Variants in CEP43 observed in about 807,000 individuals in gnomAD.
The protein encoded by CEP43 is FGFR1 oncogene partner.
A neutral mutation model predicts 52.6 loss-of-function variants in CEP43; 36 were observed. That is an observed-to-expected ratio of 0.68 (90% CI 0.52 to 0.90). The LOEUF (loss-of-function observed/expected upper bound fraction) is 0.90, where lower values mean the gene tolerates loss of function less well. Ranked by LOEUF, CEP43 falls within the 40% of genes least tolerant of loss-of-function variation. CEP43 has a pLI of 0.00. For missense variants in CEP43, 506 were observed against 472.8 expected, an observed-to-expected ratio of 1.07 and a Z score of -0.65; for synonymous variants, 192 against 172.4, an observed-to-expected ratio of 1.11 and a Z score of -0.89.
At position 167,052,247 on chromosome 6, in the gene CEP43, T is replaced by TA. The variant is rs1018689451; in HGVS notation, c.*12270dup. ...GTTTTTGTGCTATTATTGTTATACT[T>TA]ACTACCTCTGTATATGTTACAAGCC... On this transcript the variant is annotated 3_prime_UTR_variant, in exon 13 of 13. Coordinates refer to ENST00000366847, the MANE Select transcript of CEP43 (RefSeq NM_007045.4). 7.2e-5 allele frequency: 11 copies of TA among 152,220 alleles called. No individual in the cohort carries two copies. The highest frequency in any genetic ancestry group is 2.2e-4 in the African/African-American group (9 of 41,466). 9.4% of individuals were successfully genotyped at this position (152,220 alleles called of 1,614,324 possible).
chr6:167,023,089 A>G (rs1472751034), intron 8 of CEP43, among the ~76,000 whole-genome samples: 2 of 152,130 alleles, frequency 1.3e-5, no homozygotes, highest in African/African-American at 2.4e-5. Flanking sequence ...GTGAGCAAAG[A>G]GCTAGAGGAG....
At chr6:167,025,348 T>G (rs1308813256) in intron 9 of CEP43, 1 of 153,564 alleles carries the variant, frequency 6.5e-6, no homozygotes, top group Non-Finnish European at 1.4e-5. Context: ...TCATCGTAAA[T>G]GCAGCAGAGC....
intron 10 of CEP43, among the ~76,000 whole-genome samples, chr6:167,031,060 G>A (rs759154567): frequency 3.9e-5 from 6 of 151,916 alleles, no homozygotes; most frequent in Non-Finnish European, 7.4e-5. Context: ...TTTTGAGACA[G>A]TATTTTAAAA....
In CEP43 at chr6:167,040,573, G is replaced by T; in HGVS notation, c.*595G>T. 9.4e-7 allele frequency: 1 copy of T among 1,058,950 alleles called. No individual in the cohort carries two copies. 65.6% of individuals were successfully genotyped at this position (1,058,950 alleles called of 1,614,324 possible). ...AGGTTATATTAAAGTACTCTTGTGT[G>T]TGCTATTTAGTTTTGCTTGTTTTAA... is the stretch of plus-strand genomic sequence containing the variant. On this transcript the variant is annotated 3_prime_UTR_variant, in exon 13 of 13. Coordinates refer to ENST00000366847, the MANE Select transcript of CEP43 (RefSeq NM_007045.4).
At chr6:167,036,885 G>A in intron 12 of CEP43, 1 of 423,108 alleles carries the variant, frequency 2.4e-6, no homozygotes, top group Non-Finnish European at 3.2e-6. Context: ...TTGGCTCATT[G>A]CAGCCTCTGC....
At chr6:167,009,083 C>T (rs1035171273) in intron 5 of CEP43, among the ~76,000 whole-genome samples, 1 of 150,322 alleles carries the variant, frequency 6.7e-6, no homozygotes, top group Non-Finnish European at 1.5e-5. Context: ...AGTGAAACCC[C>T]GTCTCTATTA....
In CEP43 at chr6:167,005,103, C is replaced by G. The variant is rs565471897; in HGVS notation, c.438+702C>G. On this transcript the variant is annotated intron_variant, in intron 5 of 12. Transcript: ENST00000366847. ...TTCCAGATATTTGATTAAATGTGAG[C>G]TTTTAGTCAGAAATTTATAGGTAAG... is the stretch of plus-strand genomic sequence containing the variant. 3.9e-5 allele frequency among the ~76,000 whole-genome samples: 6 copies of G among 152,190 alleles called. No individual in the cohort carries two copies. The South Asian group carries it at 1.2e-3, about 32-fold the overall frequency.
intron 7 of CEP43, 148 bp from the exon 8 acceptor site, chr6:167,022,259 AAC>A (rs35327997): frequency 0.14 from 74,234 of 532,462 alleles, 251 homozygotes; most frequent in Middle Eastern, 0.18. Flanking sequence ...GAGCTGCCCC[AAC>A]ACACACACAC....
chr6:167,040,575 G>A lies in CEP43; in HGVS notation c.*597G>A. 9.5e-7 allele frequency: 1 copy of A among 1,057,848 alleles called. No homozygotes were observed. The highest frequency in any genetic ancestry group is 1.1e-6 in the Non-Finnish European group (1 of 871,970). The allele number at this position is 1,057,848 out of a possible 1,614,324, so 65.5% of individuals were successfully genotyped here. A position where few individuals can be genotyped will look rare whatever the true frequency, so the allele number is the denominator to read the frequency against. ...GTTATATTAAAGTACTCTTGTGTGT[G>A]CTATTTAGTTTTGCTTGTTTTAAAG... On this transcript the variant is annotated 3_prime_UTR_variant, in exon 13 of 13. Transcript: ENST00000366847.
At position 167,026,542 on chromosome 6, in the gene CEP43, C is replaced by G. The variant is rs1187357490; in HGVS notation, c.920-5C>G. The G allele has an allele frequency of 6.4e-7, 1 of 1,560,896 alleles. No homozygotes were observed. The highest frequency in any genetic ancestry group is 1.4e-5 in the African/African-American group (1 of 74,022). On this transcript the variant is annotated splice_polypyrimidine_tract_variant and splice_region_variant and intron_variant, in intron 9 of 12. Coordinates refer to ENST00000366847, the MANE Select transcript of CEP43 (RefSeq NM_007045.4). ...TCTAATGTTAATATTTTCTCCTGTT[C>G]ACAGGTAAAAGGGGAAATACAGTTT...
intron 12 of CEP43, chr6:167,036,036 T>A (rs1361714977): frequency 1.0e-6 from 1 of 983,608 alleles, no homozygotes; most frequent in Non-Finnish European, 1.2e-6. Context: ...TAGACATTTC[T>A]GTCGTAGGCA....
chr6:167,036,558 C>G, intron 12 of CEP43: 2 of 985,396 alleles, frequency 2.0e-6, no homozygotes, highest in South Asian at 4.7e-5. Context: ...GCATAGCAAT[C>G]TAATTCAGCA....
At chr6:167,023,514 G>GC (rs760261584) in intron 8 of CEP43, among the ~76,000 whole-genome samples, 6 of 152,222 alleles carry the variant, frequency 3.9e-5, no homozygotes, top group African/African-American at 7.2e-5. Flanking sequence ...CTGTTGCTGT[G>GC]CTAAGTTAGA....
intron 2 of CEP43, among the ~76,000 whole-genome samples, chr6:167,000,858 T>C (rs1347096009): frequency 6.6e-6 from 1 of 152,360 alleles, no homozygotes; most frequent in African/African-American, 2.4e-5. Flanking sequence ...ATACGTGGTC[T>C]GGAAGAAATC....
chr6:167,002,771 G>T (rs962175354), intron 2 of CEP43, among the ~76,000 whole-genome samples: 4 of 152,102 alleles, frequency 2.6e-5, no homozygotes, highest in African/African-American at 9.7e-5. Flanking sequence ...GGCCGCATAA[G>T]ATCATCTCAC....
At chr6:167,000,683 C>G (rs1327900297) in intron 2 of CEP43, among the ~76,000 whole-genome samples, 3 of 152,240 alleles carry the variant, frequency 2.0e-5, no homozygotes, top group African/African-American at 7.2e-5. Flanking sequence ...ACAAATCAGT[C>G]TACTGTCCTC....
intron 7 of CEP43, among the ~76,000 whole-genome samples, chr6:167,018,591 A>G (rs866103704): frequency 6.6e-6 from 1 of 152,012 alleles, no homozygotes; most frequent in Non-Finnish European, 1.5e-5. Context: ...GGGTTCCACT[A>G]TGTTGGCCAG....
At position 167,010,905 on chromosome 6, in the gene CEP43, G is replaced by A. The variant is rs1648835595; in HGVS notation, c.519+12G>A. On this transcript the variant is annotated intron_variant, in intron 6 of 12. Transcript: ENST00000366847. Reference sequence around the variant, plus strand: ...CAACACCAAGTAAGGTGAGTTAGCTGTGGAACACGGAAGTCATGTCTGGAC... The same window carrying A: ...CAACACCAAGTAAGGTGAGTTAGCTATGGAACACGGAAGTCATGTCTGGAC... 1.3e-6 allele frequency: 2 copies of A among 1,554,292 alleles called. No homozygotes were observed. Among genetic ancestry groups the A allele is most frequent in the Admixed American group, 3.7e-5 (2 of 53,852 alleles).
In CEP43 at chr6:167,041,311, C is replaced by T. The variant is rs767167803; in HGVS notation, c.*1333C>T. 10 of 1,053,758 alleles carry T rather than the reference C, an allele frequency of 9.5e-6. No individual in the cohort carries two copies. Among genetic ancestry groups the T allele is most frequent in the Non-Finnish European group, 1.1e-5 (10 of 871,996 alleles). 65.3% of individuals were successfully genotyped at this position (1,053,758 alleles called of 1,614,324 possible). A position where few individuals can be genotyped will look rare whatever the true frequency, so the allele number is the denominator to read the frequency against. On this transcript the variant is annotated 3_prime_UTR_variant, in exon 13 of 13. Transcript: ENST00000366847. ...AAGGATTAAGGCTGTGTAACAGAAT[C>T]TGGCTTTTTAAAATTTAAGTGAAAC...
Sources: allele counts gnomAD v4.1 joint callset (sites outside exome capture counted in the v4.1 genomes callset), GRCh38; gene constraint gnomAD v4.1.1; transcripts MANE v1.5; gene names NCBI Gene and HGNC (gene_info 2026-07-23, HGNC 2026-07-21).